INMT: variants seen among roughly 807,000 people sequenced by gnomAD.
The protein encoded by INMT is indolethylamine N-methyltransferase.
In INMT, 11 loss-of-function variants were observed where a neutral mutation model predicts 11.5. That is an observed-to-expected ratio of 0.95 (90% confidence interval 0.60 to 1.58). The LOEUF (loss-of-function observed/expected upper bound fraction) is 1.58, where lower values mean the gene tolerates loss of function less well. INMT is among the 40% of genes most tolerant of loss of function. The probability of loss-of-function intolerance (pLI) is 0.00; values close to 1 mark genes in which losing one functional copy is unlikely to be tolerated. For synonymous variants in INMT, 155 were observed against 142.9 expected (o/e 1.08, Z -0.60); for missense variants, 316 against 336.1 (o/e 0.94, Z 0.47).
In INMT at chr7:30,754,550, GCCATCCATCTATCCAT is replaced by G. The variant is rs1158420294; in HGVS notation, c.362+620_362+635del. 1.5e-5 allele frequency among the ~76,000 whole-genome samples: 2 copies of G among 134,920 alleles called. No individual in the cohort carries two copies. The highest frequency in any genetic ancestry group is 3.1e-5 in the Non-Finnish European group (2 of 63,986). 88.5% of individuals were successfully genotyped at this position (134,920 alleles called of 152,430 possible). A position where few individuals can be genotyped will look rare whatever the true frequency, so the allele number is the denominator to read the frequency against. On this transcript the variant is annotated intron_variant, in intron 2 of 2. Transcript: ENST00000013222. This position sits in a 1 kb window ranked among gnomAD's most constrained non-coding sequence, Gnocchi z 4.9. ...CCATCCATCCACATACATCCGCCCAGCCATCCATCTATCCATCCATCCACCCATCCATCCATATCCA... is the reference window on the plus strand; with the variant it reads ...CCATCCATCCACATACATCCGCCCAGCCATCCACCCATCCATCCATATCCA...
rs745497549 is a variant in INMT at position 30,753,907 on chromosome 7, G to A, written c.331G>A (p.Val111Met). 4 of 1,614,040 alleles carry A rather than the reference G, an allele frequency of 2.5e-6. No individual in the cohort carries two copies. The highest frequency in any genetic ancestry group is 3.4e-6 in the Non-Finnish European group (4 of 1,180,026). ...EPGAYDWTPA[V>M]KFACELEGNS... ...GGGGGCCTATGACTGGACCCCAGCG[G>A]TGAAATTCGCCTGTGAGCTGGAAGG... The change falls in exon 2 of 3, where the codon GTG (valine) becomes ATG (methionine). Residue 111 changes from valine (V) to methionine (M), a missense_variant. Transcript: ENST00000013222.
chr7:30,752,308 A>G lies in INMT; in HGVS notation c.154+4A>G. On this transcript the variant is annotated splice_donor_region_variant and intron_variant, in intron 1 of 2. Coordinates refer to ENST00000013222, the MANE Select transcript of INMT (RefSeq NM_006774.5). Reference sequence around the variant, plus strand: ...CTCCACAAGACCTTCGGCCCTGGTGAGCAGAGGGTGGCCCTTCCCCTTGAG... The same window carrying G: ...CTCCACAAGACCTTCGGCCCTGGTGGGCAGAGGGTGGCCCTTCCCCTTGAG... 6.2e-7 allele frequency: 1 copy of G among 1,612,514 alleles called. No individual in the cohort carries two copies.
intron 1 of INMT, among the ~76,000 whole-genome samples, chr7:30,753,319 A>G (rs544652517): frequency 6.6e-6 from 1 of 152,224 alleles, no homozygotes; most frequent in Non-Finnish European, 1.5e-5. Flanking sequence ...TCAGCCTGAA[A>G]CTTAAAGGGC....
Position 30,756,122 on chromosome 7 carries a change from G to T in INMT, c.*271G>T. 1 of 1,244,724 alleles carries T rather than the reference G, an allele frequency of 8.0e-7. No individual in the cohort carries two copies. 77.1% of individuals were successfully genotyped at this position (1,244,724 alleles called of 1,614,324 possible). ...GCGATCTGACTCCTGTGTGACTGTG[G>T]AGCACCCAGGGACGTGGTTTTAGAG... On this transcript the variant is annotated 3_prime_UTR_variant, in exon 3 of 3. Coordinates refer to ENST00000013222, the MANE Select transcript of INMT (RefSeq NM_006774.5).
chr7:30,755,986 A>G lies in INMT; in HGVS notation c.*135A>G. On this transcript the variant is annotated 3_prime_UTR_variant, in exon 3 of 3. Transcript: ENST00000013222. ...ACATTCCATCTTCTGAAATTCTGAG[A>G]TTCTAACATCCTTGTTTTAGAATTC... 7.0e-7 allele frequency: 1 copy of G among 1,432,888 alleles called. No individual in the cohort carries two copies. The highest frequency in any genetic ancestry group is 9.1e-7 in the Non-Finnish European group (1 of 1,098,240). 88.8% of individuals were successfully genotyped at this position (1,432,888 alleles called of 1,614,324 possible).
Position 30,754,513 on chromosome 7 carries a change from A to G in INMT, c.362+575A>G, listed in dbSNP as rs1491002140. Among the ~76,000 whole-genome samples, 1 of 148,638 alleles carries G rather than the reference A, an allele frequency of 6.7e-6. No homozygotes were observed. Among genetic ancestry groups the G allele is most frequent in the East Asian group, 2.0e-4 (1 of 5,024 alleles). On this transcript the variant is annotated intron_variant, in intron 2 of 2. Coordinates refer to ENST00000013222, the MANE Select transcript of INMT (RefSeq NM_006774.5). This position sits in a 1 kb window ranked among gnomAD's most constrained non-coding sequence, Gnocchi z 4.9. Reference sequence around the variant, plus strand: ...CATCCATCCATCCATCCATCCACCCATTCATATCCATCCATCCATCCACAT... The same window carrying G: ...CATCCATCCATCCATCCATCCACCCGTTCATATCCATCCATCCATCCACAT...
At position 30,755,410 on chromosome 7, in the gene INMT, C is replaced by G; in HGVS notation, c.363-12C>G. On this transcript the variant is annotated splice_polypyrimidine_tract_variant and intron_variant, in intron 2 of 2. Transcript: ENST00000013222. ...TCAAAGGGCCTCCCCGACTCCCTCTCTCTCTCTGCAGCGGCCGATGGGAGG... is the reference window on the plus strand; with the variant it reads ...TCAAAGGGCCTCCCCGACTCCCTCTGTCTCTCTGCAGCGGCCGATGGGAGG... 6.4e-7 allele frequency: 1 copy of G among 1,573,626 alleles called. No homozygotes were observed. Among genetic ancestry groups the G allele is most frequent in the Non-Finnish European group, 8.6e-7 (1 of 1,167,114 alleles).
chr7:30,753,042 G>A (rs1054821347), intron 1 of INMT, among the ~76,000 whole-genome samples: 1 of 152,212 alleles, frequency 6.6e-6, no homozygotes, highest in Non-Finnish European at 1.5e-5. Flanking sequence ...GGTGTGGGAG[G>A]CAGAAATCAG....
chr7:30,755,716 G>A lies in INMT; in HGVS notation c.657G>A (p.Glu219=). ...TTTCCTGCGTGGCCCTGGAGAAAGA[G>A]GAGGTGGAGCAGGCTGTCCTGGATG... The part of the protein sequence containing the change: ...REFSCVALEK[E]EVEQAVLDAG... Residue 219 remains glutamate, a synonymous_variant, in exon 3 of 3, where the codon GAG becomes GAA. Coordinates refer to ENST00000013222, the MANE Select transcript of INMT (RefSeq NM_006774.5). 1 of 1,614,238 alleles carries A rather than the reference G, an allele frequency of 6.2e-7. No homozygotes were observed. Among genetic ancestry groups the A allele is most frequent in the Non-Finnish European group, 8.5e-7 (1 of 1,180,028 alleles).
rs1584199768 is a variant in INMT at position 30,755,842 on chromosome 7, T to C, written c.783T>C (p.Pro261=). 6.2e-7 allele frequency: 1 copy of C among 1,607,476 alleles called. No homozygotes were observed. The highest frequency in any genetic ancestry group is 1.1e-5 in the South Asian group (1 of 90,908). ...GCTTCATTGTGGCTCGCAAGAAGCC[T>C]GGGCCCTGAGCCAGGAGGGCCAGCC... is the stretch of plus-strand genomic sequence containing the variant. The part of the protein sequence containing the change: ...GVCFIVARKK[P]GP The change falls in exon 3 of 3, where the codon CCT becomes CCC. Residue 261 remains proline, a synonymous_variant. Transcript: ENST00000013222.
Position 30,753,939 on chromosome 7 carries a change from G to A in INMT, c.362+1G>A. ...TCGCCTGTGAGCTGGAAGGAAACAG[G>A]TAGGGGTGCAGAGGTTGGGGAGGGG... On this transcript the variant is annotated splice_donor_variant, in intron 2 of 2. Coordinates refer to ENST00000013222, the MANE Select transcript of INMT (RefSeq NM_006774.5). LOFTEE classifies it high-confidence loss of function. 2 of 1,613,494 alleles carry A rather than the reference G, an allele frequency of 1.2e-6. No individual in the cohort carries two copies. Among genetic ancestry groups the A allele is most frequent in the Non-Finnish European group, 1.7e-6 (2 of 1,179,868 alleles).
chr7:30,755,399 C>T (rs745346450), intron 2 of INMT, 23 bp from the exon 3 acceptor site: 27 of 1,546,082 alleles, frequency 1.7e-5, no homozygotes, highest in African/African-American at 2.7e-5. Flanking sequence ...AGGGCCTCCC[C>T]GACTCCCTCT....
rs1238339404 is a variant in INMT at position 30,754,825 on chromosome 7, C to T, written c.363-597C>T. On this transcript the variant is annotated intron_variant, in intron 2 of 2. Transcript: ENST00000013222. This position sits in a 1 kb window ranked among gnomAD's most constrained non-coding sequence, Gnocchi z 4.9. The stretch of plus-strand genomic sequence containing the variant: ...GTACTCGAATATAATAAAGACTTAC[C>T]TGTGCTTCTCTGTGACTCCTTGCCT... Among the ~76,000 whole-genome samples, 3 of 152,224 alleles carry T rather than the reference C, an allele frequency of 2.0e-5. No homozygotes were observed. Among genetic ancestry groups the T allele is most frequent in the African/African-American group, 7.2e-5 (3 of 41,462 alleles).
Position 30,754,518 on chromosome 7 carries a change from T to TATCC in INMT, c.362+594_362+597dup, listed in dbSNP as rs1180563410. On this transcript the variant is annotated intron_variant, in intron 2 of 2. Coordinates refer to ENST00000013222, the MANE Select transcript of INMT (RefSeq NM_006774.5). This position sits in a 1 kb window ranked among gnomAD's most constrained non-coding sequence, Gnocchi z 4.9. ...ATCCATCCATCCATCCACCCATTCA[T>TATCC]ATCCATCCATCCATCCACATACATC... 4.6e-5 allele frequency among the ~76,000 whole-genome samples: 7 copies of TATCC among 150,988 alleles called. No individual in the cohort carries two copies. The highest frequency in any genetic ancestry group is 5.9e-5 in the Non-Finnish European group (4 of 67,692).
chr7:30,753,800 G>C lies in INMT; in HGVS notation c.224G>C (p.Cys75Ser). Reference protein sequence around the residue: ...GPTIYQVLAACDSFQDITLSD... With the variant: ...GPTIYQVLAASDSFQDITLSD... ...ACCATCTACCAAGTTCTTGCTGCCT[G>C]TGATTCCTTCCAAGACATCACTCTC... The change falls in exon 2 of 3, where the codon TGT (cysteine) becomes TCT (serine). Residue 75 changes from cysteine to serine, a missense_variant. Coordinates refer to ENST00000013222, the MANE Select transcript of INMT (RefSeq NM_006774.5). 2 of 1,614,234 alleles carry C rather than the reference G, an allele frequency of 1.2e-6. No homozygotes were observed. Among genetic ancestry groups the C allele is most frequent in the East Asian group, 2.2e-5 (1 of 44,894 alleles).
chr7:30,756,112 T>G lies in INMT; in HGVS notation c.*261T>G. ...TATCTTAGATGCGATCTGACTCCTG[T>G]GTGACTGTGGAGCACCCAGGGACGT... On this transcript the variant is annotated 3_prime_UTR_variant, in exon 3 of 3. Coordinates refer to ENST00000013222, the MANE Select transcript of INMT (RefSeq NM_006774.5). 7.9e-7 allele frequency: 1 copy of G among 1,268,432 alleles called. No individual in the cohort carries two copies. The highest frequency in any genetic ancestry group is 1.0e-6 in the Non-Finnish European group (1 of 1,004,890). 78.6% of individuals were successfully genotyped at this position (1,268,432 alleles called of 1,614,324 possible). A position where few individuals can be genotyped will look rare whatever the true frequency, so the allele number is the denominator to read the frequency against.
rs58472657 is a variant in INMT, at chr7:30,756,402, A to ATTTTTTTTTTTTTTTTTTTTTTTTTT, written c.*570_*571insTTTTTTTTTTTTTTTTTTTTTTTTTT. On this transcript the variant is annotated 3_prime_UTR_variant, in exon 3 of 3. Coordinates refer to ENST00000013222, the MANE Select transcript of INMT (RefSeq NM_006774.5). ...AGGAGCTCGCCACCACACCCAGCTAATTTTTTTTTTTTTTTTTTTATTTGA... is the reference window on the plus strand; with the variant it reads ...AGGAGCTCGCCACCACACCCAGCTAATTTTTTTTTTTTTTTTTTTTTTTTTTTTTTTTTTTTTTTTTTTTTATTTGA... 1 of 95,636 alleles carries ATTTTTTTTTTTTTTTTTTTTTTTTTT rather than the reference A, an allele frequency of 1.0e-5. No homozygotes were observed. The highest frequency in any genetic ancestry group is 4.5e-5 in the African/African-American group (1 of 22,344). The allele number at this position is 95,636 out of a possible 1,614,324, so 5.9% of individuals were successfully genotyped here. A position where few individuals can be genotyped will look rare whatever the true frequency, so the allele number is the denominator to read the frequency against.
rs778584980 is a variant in INMT at position 30,757,347 on chromosome 7, C to T, written c.*1496C>T. Reference sequence around the variant, plus strand: ...TGGCTTGACATGGTGGGCACACTGGCGCCCAGTAAGAGAGAGAGAGAGCCA... The same window carrying T: ...TGGCTTGACATGGTGGGCACACTGGTGCCCAGTAAGAGAGAGAGAGAGCCA... On this transcript the variant is annotated 3_prime_UTR_variant, in exon 3 of 3. Coordinates refer to ENST00000013222, the MANE Select transcript of INMT (RefSeq NM_006774.5). 3.6e-5 allele frequency: 8 copies of T among 225,180 alleles called. No individual in the cohort carries two copies. The highest frequency in any genetic ancestry group is 5.8e-5 in the South Asian group (1 of 17,220). 13.9% of individuals were successfully genotyped at this position (225,180 alleles called of 1,614,324 possible).
chr7:30,755,427 G>A lies in INMT; in HGVS notation c.368G>A (p.Arg123Gln), dbSNP rs771524226. 57 of 1,592,600 alleles carry A rather than the reference G, an allele frequency of 3.6e-5. No homozygotes were observed. In the South Asian group the frequency reaches 5.8e-4, roughly 16 times the overall value. Residue 123 changes from arginine to glutamine, a missense_variant, in exon 3 of 3, where the codon CGA (arginine) becomes CAA (glutamine). By Grantham distance (43) the Arg-to-Gln change is conservative. Transcript: ENST00000013222. ...CTCCCTCTCTCTCTCTGCAGCGGCC[G>A]ATGGGAGGAGAAGGAGGAGAAGCTG... ...FACELEGNSG[R>Q]WEEKEEKLRA...
Sources: gnomAD v4.1 joint callset for allele counts (sites outside exome capture counted in the v4.1 genomes callset) on GRCh38, gnomAD v4.1.1 for gene constraint, Gnocchi (gnomAD v3.1) non-coding constraint, MANE v1.5 for transcripts, NCBI Gene and HGNC (gene_info 2026-07-23, HGNC 2026-07-21) for gene names.